The following TDRD5 variants were observed in gnomAD, a reference collection of about 807,000 sequenced individuals.
The protein encoded by TDRD5 is tudor domain-containing protein 5.
Under a neutral mutation model 120.6 loss-of-function variants are expected in TDRD5, and 41 were observed. The ratio of observed to expected loss-of-function variants is 0.34; its 90% CI spans 0.26 to 0.44. The LOEUF is 0.44. Among genes scored for constraint, TDRD5 ranks in the 20% least tolerant of loss-of-function variants. The pLI, the probability that TDRD5 is intolerant of heterozygous loss-of-function variation, is 1.00. For synonymous variants in TDRD5, 430 were observed against 433.7 expected, an observed-to-expected ratio of 0.99 and a Z score of 0.11; for missense variants, 1,006 against 1,221.2, an observed-to-expected ratio of 0.82 and a Z score of 2.63.
At chr1:179,640,494 T>G (rs2102027266) in intron 11 of TDRD5, 49 bp downstream of exon 11, 8 of 1,552,214 alleles carry the variant, frequency 5.2e-6, no homozygotes, top group East Asian at 4.5e-5. Flanking sequence ...GAGTGCCTAT[T>G]ATGTGCCAAT....
intron 14 of TDRD5, among the ~76,000 whole-genome samples, chr1:179,661,388 GT>G (rs557532738): frequency 4.8e-5 from 7 of 144,686 alleles, no homozygotes; most frequent in Non-Finnish European, 7.7e-5. Flanking sequence ...TGTTTTTTTT[GT>G]TTTTTTCCCC....
chr1:179,595,337 C>T (rs1197042154), intron 3 of TDRD5, among the ~76,000 whole-genome samples: 1 of 152,156 alleles, frequency 6.6e-6, no homozygotes, highest in Non-Finnish European at 1.5e-5. Context: ...CAGCTTTTTA[C>T]ATATTGAATC....
Position 179,690,842 on chromosome 1 carries a change from C to T in TDRD5, c.3007C>T (p.Pro1003Ser). 6.2e-7 allele frequency: 1 copy of T among 1,614,176 alleles called. No individual in the cohort carries two copies. The change falls in exon 18 of 18, where the codon CCT (proline) becomes TCT (serine). Residue 1003 changes from proline (P) to serine (S), a missense_variant. Around this residue, in one of 3 missense-constraint regions of TDRD5, gnomAD observed 403 missense variants for 448.1 expected, o/e 0.90. Transcript: ENST00000444136. ...ECQISQKLYI[P>S]RSTATAALGA... ...CCAGATTTCTCAGAAGCTCTACATT[C>T]CTCGAAGTACAGCCACTGCTGCCTT...
intron 17 of TDRD5, among the ~76,000 whole-genome samples, chr1:179,671,217 GTAC>G (rs561053125): frequency 1.8e-4 from 27 of 152,210 alleles, no homozygotes; most frequent in South Asian, 1.5e-3. Context: ...GTCTGTTTTT[GTAC>G]TACTATCTTA....
At chr1:179,615,755 A>C (rs750992591) in intron 4 of TDRD5, among the ~76,000 whole-genome samples, 20 of 150,766 alleles carry the variant, frequency 1.3e-4, no homozygotes, top group Non-Finnish European at 2.2e-4. Context: ...ACCTTAATTT[A>C]GACATTTTGC....
chr1:179,593,301 C>T (rs927791142), intron 2 of TDRD5, among the ~76,000 whole-genome samples, 159 bp from the exon 3 acceptor site: 1 of 152,062 alleles, frequency 6.6e-6, no homozygotes, highest in Non-Finnish European at 1.5e-5. Flanking sequence ...AAGCTGTTGC[C>T]CAAAATGCAA....
At chr1:179,670,187 C>G (rs1490690392) in intron 17 of TDRD5, among the ~76,000 whole-genome samples, 1 of 152,084 alleles carries the variant, frequency 6.6e-6, no homozygotes, top group Non-Finnish European at 1.5e-5. Context: ...GTCAGGAGTT[C>G]AAGACCAGCC....
chr1:179,606,893 A>G (rs1455801035), intron 4 of TDRD5, among the ~76,000 whole-genome samples: 1 of 152,038 alleles, frequency 6.6e-6, no homozygotes, highest in Non-Finnish European at 1.5e-5. Context: ...CTCTGGCTTT[A>G]TTCTTCAATA....
intron 5 of TDRD5, among the ~76,000 whole-genome samples, chr1:179,620,041 A>C (rs929338897): frequency 6.6e-6 from 1 of 152,224 alleles, no homozygotes; most frequent in Non-Finnish European, 1.5e-5. Flanking sequence ...TGTCTCTCTC[A>C]GTTTACATGG....
At chr1:179,647,234 T>C (rs1403352020) in intron 11 of TDRD5, among the ~76,000 whole-genome samples, 1 of 140,320 alleles carries the variant, frequency 7.1e-6, no homozygotes, top group Non-Finnish European at 1.6e-5. Flanking sequence ...AACAGCATGG[T>C]ACTGGTACCA....
chr1:179,652,069 T>TAC lies in TDRD5; in HGVS notation c.2035_2036dup (p.Thr680ArgfsTer12). ...CAGTGAGCTCAACCCTTTAGCTTTA[T>TAC]ACACGACATCCAGTGGAGGGCCAGA... On this transcript the variant is annotated frameshift_variant, in exon 13 of 18. Transcript: ENST00000444136. LOFTEE classifies it high-confidence loss of function. 1 of 1,613,988 alleles carries TAC rather than the reference T, an allele frequency of 6.2e-7. No individual in the cohort carries two copies. The highest frequency in any genetic ancestry group is 8.5e-7 in the Non-Finnish European group (1 of 1,179,988).
At chr1:179,598,741 A>G (rs1054420106) in intron 4 of TDRD5, among the ~76,000 whole-genome samples, 3 of 151,208 alleles carry the variant, frequency 2.0e-5, no homozygotes, top group Admixed American at 2.0e-4. Context: ...TGATAAACTC[A>G]GTTCTGTAAT....
At chr1:179,674,165 G>A (rs1413216407) in intron 17 of TDRD5, among the ~76,000 whole-genome samples, 2 of 152,102 alleles carry the variant, frequency 1.3e-5, no homozygotes, top group Non-Finnish European at 2.9e-5. Context: ...CCCATTCAGT[G>A]TAATGTTGGC....
Position 179,675,255 on chromosome 1 carries a change from T to TTTATTATTA in TDRD5, c.2860+5863_2860+5871dup, listed in dbSNP as rs1219898193. Among the ~76,000 whole-genome samples, 5 of 116,492 alleles carry TTTATTATTA rather than the reference T, an allele frequency of 4.3e-5. 1 individual carries two copies. The highest frequency in any genetic ancestry group is 5.0e-4 in the East Asian group (2 of 3,988). The allele number at this position is 116,492 out of a possible 152,430, so 76.4% of individuals were successfully genotyped here. A position where few individuals can be genotyped will look rare whatever the true frequency, so the allele number is the denominator to read the frequency against. On this transcript the variant is annotated intron_variant, in intron 17 of 17. Transcript: ENST00000444136. ...ATTGTATCATTCAGTTCAAAGAATT[T>TTTATTATTA]TTATTATTATTATTATTATTTTTTT...
chr1:179,598,852 A>G (rs144916438), intron 4 of TDRD5, among the ~76,000 whole-genome samples: 28 of 152,182 alleles, frequency 1.8e-4, no homozygotes, highest in African/African-American at 4.8e-4. Flanking sequence ...TTTTCAATCT[A>G]TCTGCCTTTC....
chr1:179,689,631 G>A (rs1286860832), intron 17 of TDRD5, among the ~76,000 whole-genome samples: 1 of 151,606 alleles, frequency 6.6e-6, no homozygotes, highest in Non-Finnish European at 1.5e-5. Flanking sequence ...CTTTTGTTCA[G>A]CTATGCCCTG....
In TDRD5 at chr1:179,652,071, C is replaced by A. The variant is rs1678749382; in HGVS notation, c.2034C>A (p.Tyr678Ter). 6.2e-7 allele frequency: 1 copy of A among 1,613,602 alleles called. No individual in the cohort carries two copies. Among genetic ancestry groups the A allele is most frequent in the Non-Finnish European group, 8.5e-7 (1 of 1,179,936 alleles). The change falls in exon 13 of 18, where the codon TAC (tyrosine) becomes TAA (stop). Residue 678 changes from tyrosine (Y) to a stop codon, truncating the protein, a stop_gained. Coordinates refer to ENST00000444136, the MANE Select transcript of TDRD5 (RefSeq NM_001199085.3). LOFTEE classifies it high-confidence loss of function. ...GFSELNPLAL[Y>*]TTSSGGPEDI... Reference sequence around the variant, plus strand: ...GTGAGCTCAACCCTTTAGCTTTATACACGACATCCAGTGGAGGGCCAGAGG... The same window carrying A: ...GTGAGCTCAACCCTTTAGCTTTATAAACGACATCCAGTGGAGGGCCAGAGG...
chr1:179,657,061 A>G (rs1263733625), intron 14 of TDRD5, among the ~76,000 whole-genome samples: 8 of 152,198 alleles, frequency 5.3e-5, no homozygotes, highest in Admixed American at 5.2e-4. Context: ...CTGTCTCAAG[A>G]AAAAGAAAAA....
intron 14 of TDRD5, among the ~76,000 whole-genome samples, chr1:179,656,953 T>C (rs1346001708): frequency 6.6e-6 from 1 of 152,106 alleles, no homozygotes; most frequent in Non-Finnish European, 1.5e-5. Flanking sequence ...CTTAGGAGAC[T>C]GAGACAGGAG....
Sources: gnomAD v4.1 joint callset for allele counts (sites outside exome capture counted in the v4.1 genomes callset) on GRCh38, gnomAD v4.1.1 for gene constraint, gnomAD v4.1.1 regional missense constraint, MANE v1.5 for transcripts, NCBI Gene and HGNC (gene_info 2026-07-23, HGNC 2026-07-21) for gene names.